ARID1B: variants seen among roughly 807,000 people sequenced by gnomAD.
The protein encoded by ARID1B is AT-rich interactive domain-containing protein 1B.
Under a neutral mutation model 212.3 loss-of-function variants are expected in ARID1B, and 30 were observed. The ratio of observed to expected loss-of-function variants is 0.14; its 90% CI spans 0.11 to 0.19. The LOEUF (loss-of-function observed/expected upper bound fraction) is 0.19. Among genes scored for constraint, ARID1B ranks in the 10% least tolerant of loss-of-function variants. The probability of loss-of-function intolerance (pLI) is 1.00; values close to 1 mark genes in which losing one functional copy is unlikely to be tolerated. For missense variants in ARID1B, 2,891 were observed against 3,204.0 expected (o/e 0.90, Z 2.36); for synonymous variants, 1,402 against 1,301.7 (o/e 1.08, Z -1.66).
At chr6:157,193,852 C>G (rs538350498) in intron 15 of ARID1B, 27 of 152,342 alleles carry the variant, frequency 1.8e-4, no homozygotes, top group African/African-American at 6.5e-4. Flanking sequence ...GCTGCGAATG[C>G]TGGGAGATGC....
At chr6:156,945,997 A>G (rs1237038585) in intron 4 of ARID1B, among the ~76,000 whole-genome samples, 1 of 152,196 alleles carries the variant, frequency 6.6e-6, no homozygotes, top group Non-Finnish European at 1.5e-5. Flanking sequence ...CAACAGAGCA[A>G]GACCCTGTCT....
At chr6:156,992,607 C>CTAAAGTACCTAGTTCCT (rs1562533796) in intron 4 of ARID1B, among the ~76,000 whole-genome samples, 1 of 152,162 alleles carries the variant, frequency 6.6e-6, no homozygotes, top group African/African-American at 2.4e-5. Context: ...GGTTTTGGAG[C>CTAAAGTACCTAGTTCCT]GGGAGGTATT....
Position 157,206,843 on chromosome 6 carries a change from G to C in ARID1B, c.6071G>C (p.Ser2024Thr). 1 of 1,614,134 alleles carries C rather than the reference G, an allele frequency of 6.2e-7. No homozygotes were observed. Among genetic ancestry groups the C allele is most frequent in the Non-Finnish European group, 8.5e-7 (1 of 1,180,032 alleles). ...DANPGPQTES[S>T]KFPFGIQQAK... Reference sequence around the variant, plus strand: ...AACCCTGGGCCCCAGACCGAAAGCAGTAAGTTTCCCTTTGGTATCCAGCAA... The same window carrying C: ...AACCCTGGGCCCCAGACCGAAAGCACTAAGTTTCCCTTTGGTATCCAGCAA... The change falls in exon 20 of 20, where the codon AGT (serine) becomes ACT (threonine). Residue 2024 changes from serine to threonine, a missense_variant. Around this residue, in one of 7 missense-constraint regions of ARID1B, gnomAD observed 332 missense variants for 369.2 expected, o/e 0.90. Transcript: ENST00000636930. This position sits in a 1 kb window ranked among gnomAD's most constrained non-coding sequence, Gnocchi z 6.8.
intron 5 of ARID1B, among the ~76,000 whole-genome samples, chr6:157,090,773 A>G (rs1285107712): frequency 1.3e-5 from 2 of 152,228 alleles, no homozygotes; most frequent in African/African-American, 2.4e-5. Context: ...GGGTGCCTTC[A>G]GAGCTGAGAC....
chr6:157,039,662 C>CTTCTTTCTTTCT (rs1217938042), intron 4 of ARID1B, among the ~76,000 whole-genome samples: 58 of 50,050 alleles, frequency 1.2e-3, no homozygotes, highest in African/African-American at 7.0e-3. Flanking sequence ...TCCTTCCTTC[C>CTTCTTTCTTTCT]TTCCTTCCTT....
Position 157,094,646 on chromosome 6 carries a change from C to T in ARID1B, c.2491+9741C>T, listed in dbSNP as rs1000673319. ...CTAGGATTACAGGCGTGAGCCACCG[C>T]GCCTGGCCGATTTAGGAGTTTAAGT... On this transcript the variant is annotated intron_variant, in intron 5 of 19. Coordinates refer to ENST00000636930, the MANE Select transcript of ARID1B (RefSeq NM_001374828.1). The surrounding 1 kb of genome is among the most constrained non-coding windows in gnomAD (Gnocchi z 4.3). 1.6e-4 allele frequency among the ~76,000 whole-genome samples: 25 copies of T among 152,114 alleles called. No homozygotes were observed. The highest frequency in any genetic ancestry group is 4.3e-4 in the African/African-American group (18 of 41,410).
chr6:156,923,933 G>A (rs895453767), intron 3 of ARID1B, among the ~76,000 whole-genome samples: 1 of 152,080 alleles, frequency 6.6e-6, no homozygotes, highest in Non-Finnish European at 1.5e-5. Context: ...GATCTCAGGC[G>A]ATCTTCCTGC....
chr6:157,164,845 T>A (rs1036326252), intron 8 of ARID1B: 1 of 152,210 alleles, frequency 6.6e-6, no homozygotes, highest in African/African-American at 2.4e-5. Flanking sequence ...CAGTGGCCAC[T>A]AAAATGCATC....
rs1794695731 is a variant in ARID1B, at chr6:157,210,310, T to C, written c.*2419T>C. On this transcript the variant is annotated 3_prime_UTR_variant, in exon 20 of 20. Coordinates refer to ENST00000636930, the MANE Select transcript of ARID1B (RefSeq NM_001374828.1). ...GAGGGAATTCAATATTATTCTAATT[T>C]CTCTCTTACAGAGTACAAATAAAAG... The C allele has an allele frequency of 4.3e-6, 1 of 230,736 alleles. No individual in the cohort carries two copies. Among genetic ancestry groups the C allele is most frequent in the East Asian group, 6.2e-5 (1 of 16,140 alleles). The allele number at this position is 230,736 out of a possible 1,614,324, so 14.3% of individuals were successfully genotyped here. A position where few individuals can be genotyped will look rare whatever the true frequency, so the allele number is the denominator to read the frequency against.
At chr6:157,064,827 C>T (rs1385291006) in intron 4 of ARID1B, among the ~76,000 whole-genome samples, 2 of 152,174 alleles carry the variant, frequency 1.3e-5, no homozygotes, top group African/African-American at 4.8e-5. Context: ...CCCTTCAGCC[C>T]CGGCTCTCAC....
chr6:156,887,433 A>G (rs9480401), intron 2 of ARID1B, among the ~76,000 whole-genome samples: 17,481 of 152,218 alleles, frequency 0.11, 1,211 homozygotes, highest in East Asian at 0.3. Context: ...GTTTTTCACC[A>G]TATACATCAT....
chr6:156,987,159 CAG>C (rs56189333), intron 4 of ARID1B, among the ~76,000 whole-genome samples: 50,803 of 141,100 alleles, frequency 0.36, 8,932 homozygotes, highest in South Asian at 0.48. Flanking sequence ...GCCTCGGTGA[CAG>C]AGAGAGAGAG....
chr6:156,907,028 T>C (rs1020927135), intron 3 of ARID1B, among the ~76,000 whole-genome samples: 42 of 152,236 alleles, frequency 2.8e-4, no homozygotes, highest in Admixed American at 2.7e-3. Context: ...TCTAGTGATT[T>C]GTGAAGTCTC....
chr6:156,853,669 TA>T (rs1329379984), intron 2 of ARID1B, among the ~76,000 whole-genome samples: 1 of 152,220 alleles, frequency 6.6e-6, no homozygotes, highest in African/African-American at 2.4e-5. Context: ...GGCTCAGCCC[TA>T]ACCTCGAAGA....
chr6:157,144,912 T>G (rs1433623918), intron 7 of ARID1B, among the ~76,000 whole-genome samples: 1 of 152,204 alleles, frequency 6.6e-6, no homozygotes, highest in Non-Finnish European at 1.5e-5. Flanking sequence ...GTTTTGATGG[T>G]ATCTGCAAAC....
chr6:156,872,911 G>A (rs371261856), intron 2 of ARID1B, among the ~76,000 whole-genome samples: 6 of 151,970 alleles, frequency 3.9e-5, no homozygotes, highest in African/African-American at 4.8e-5. Flanking sequence ...CCTGCCCATC[G>A]GCCCATCCGT....
intron 4 of ARID1B, among the ~76,000 whole-genome samples, chr6:156,998,185 C>T (rs1341141635): frequency 1.3e-5 from 2 of 151,466 alleles, no homozygotes; most frequent in African/African-American, 4.9e-5. Flanking sequence ...CTGTTTTGCT[C>T]CCCTCTCCCA....
chr6:157,063,085 A>G lies in ARID1B; in HGVS notation c.2248-21577A>G, dbSNP rs1783454532. Among the ~76,000 whole-genome samples, 4 of 152,046 alleles carry G rather than the reference A, an allele frequency of 2.6e-5. No individual in the cohort carries two copies. In the South Asian group the frequency reaches 8.3e-4, roughly 32 times the overall value. On this transcript the variant is annotated intron_variant, in intron 4 of 19. Transcript: ENST00000636930. ...ACTGACCATCCTCATCTTGGATTTG[A>G]AGAATGTAGAGAATCTTTAATGTGG...
Position 157,039,793 on chromosome 6 carries a change from C to CTTCTTTCT in ARID1B, c.2248-44864_2248-44857dup, listed in dbSNP as rs1232604767. On this transcript the variant is annotated intron_variant, in intron 4 of 19. Transcript: ENST00000636930. ...CCTACCTACCTTCCTTCCTTCCTTC[C>CTTCTTTCT]TTCTTTCTTTCTCTTTCTTTCTTTT... is the stretch of plus-strand genomic sequence containing the variant. Among the ~76,000 whole-genome samples the CTTCTTTCT allele has an allele frequency of 5.9e-5, 8 of 136,748 alleles. 1 individual carries two copies. The highest frequency in any genetic ancestry group is 2.3e-4 in the African/African-American group (8 of 34,582). 89.7% of individuals were successfully genotyped at this position (136,748 alleles called of 152,430 possible).
Sources: gnomAD v4.1 joint callset for allele counts (sites outside exome capture counted in the v4.1 genomes callset) on GRCh38, gnomAD v4.1.1 for gene constraint, gnomAD v4.1.1 regional missense constraint, Gnocchi (gnomAD v3.1) non-coding constraint, MANE v1.5 for transcripts, NCBI Gene and HGNC (gene_info 2026-07-23, HGNC 2026-07-21) for gene names.